Variants in VWC2 observed in about 807,000 individuals in gnomAD.
VWC2 encodes brorin.
A neutral mutation model predicts 29.8 loss-of-function variants in VWC2; 14 were observed. The observed-to-expected ratio is 0.47, with a 90% CI of 0.31 to 0.74. The LOEUF (loss-of-function observed/expected upper bound fraction) is 0.74. VWC2 is among the 30% of genes least tolerant of loss of function. VWC2 has a pLI of 0.05. For missense variants in VWC2, 457 were observed against 459.8 expected (o/e 0.99, Z 0.05); for synonymous variants, 213 against 199.0 (o/e 1.07, Z -0.59).
intron 3 of VWC2, among the ~76,000 whole-genome samples, chr7:49,862,258 T>A (rs947544361): frequency 3.1e-4 from 47 of 152,196 alleles, no homozygotes; most frequent in Admixed American, 9.2e-4. Flanking sequence ...CTCTCTTAAA[T>A]TTCTTTTCAA....
intron 3 of VWC2, among the ~76,000 whole-genome samples, chr7:49,892,245 A>G (rs1792173833): frequency 1.3e-5 from 2 of 151,434 alleles, no homozygotes; most frequent in South Asian, 4.2e-4. Context: ...ACGGGGTTTC[A>G]CCGTGTTAGC....
chr7:49,875,369 C>CAAAAAAAAA (rs71018432), intron 3 of VWC2, among the ~76,000 whole-genome samples: 646 of 19,030 alleles, frequency 0.034, 192 homozygotes, highest in East Asian at 0.14. Context: ...GATTCTGACT[C>CAAAAAAAAA]AAAAAAAAAA....
At chr7:49,911,168 G>T (rs924489571) in intron 3 of VWC2, among the ~76,000 whole-genome samples, 1 of 152,160 alleles carries the variant, frequency 6.6e-6, no homozygotes, top group African/African-American at 2.4e-5. Context: ...GTTAATGAAA[G>T]TCACAGTGTT....
intron 2 of VWC2, among the ~76,000 whole-genome samples, chr7:49,785,925 G>A (rs753091960): frequency 2.6e-5 from 4 of 152,196 alleles, no homozygotes; most frequent in Non-Finnish European, 5.9e-5. Flanking sequence ...ACAGAATCAA[G>A]AAGGAGTGGA....
chr7:49,839,091 T>C (rs940461320), intron 3 of VWC2, among the ~76,000 whole-genome samples: 1 of 152,154 alleles, frequency 6.6e-6, no homozygotes, highest in Non-Finnish European at 1.5e-5. Flanking sequence ...TTTTTTGTGA[T>C]GTGAGGACAC....
At chr7:49,870,931 A>G (rs572247575) in intron 3 of VWC2, among the ~76,000 whole-genome samples, 16 of 152,350 alleles carry the variant, frequency 1.1e-4, no homozygotes, top group African/African-American at 3.4e-4. Flanking sequence ...GAACTGCTCC[A>G]GGAAATATGA....
chr7:49,851,920 G>C (rs1399411032), intron 3 of VWC2, among the ~76,000 whole-genome samples: 1 of 152,028 alleles, frequency 6.6e-6, no homozygotes, highest in East Asian at 1.9e-4. Flanking sequence ...CACAACACTG[G>C]ATCTCTAAAG....
Position 49,838,444 on chromosome 7 carries a change from G to A in VWC2, c.826+35604G>A, listed in dbSNP as rs866482873. 3.9e-5 allele frequency among the ~76,000 whole-genome samples: 6 copies of A among 152,216 alleles called. 1 individual carries two copies. The highest frequency in any genetic ancestry group is 6.8e-3 in the Middle Eastern group (2 of 294). ...ACAGAGTGGGGTCAGGAGACAGTAG[G>A]ATTGAAGCAGACTCCGGTCTTTTGG... On this transcript the variant is annotated intron_variant, in intron 3 of 3. Coordinates refer to ENST00000340652, the MANE Select transcript of VWC2 (RefSeq NM_198570.5).
At chr7:49,834,916 G>A (rs1162335008) in intron 3 of VWC2, among the ~76,000 whole-genome samples, 4 of 152,178 alleles carry the variant, frequency 2.6e-5, no homozygotes, top group Non-Finnish European at 4.4e-5. Context: ...AGGCCAGGAT[G>A]GGGGAGATAT....
intron 2 of VWC2, among the ~76,000 whole-genome samples, chr7:49,794,405 G>A (rs1788536729): frequency 6.6e-6 from 1 of 152,196 alleles, no homozygotes; most frequent in South Asian, 2.1e-4. Flanking sequence ...TTGAGACGTA[G>A]CAATATTAAG....
chr7:49,820,692 G>A (rs924666996), intron 3 of VWC2, among the ~76,000 whole-genome samples: 1 of 152,172 alleles, frequency 6.6e-6, no homozygotes, highest in African/African-American at 2.4e-5. Flanking sequence ...TACCAGGAAT[G>A]CAGAGAGTAA....
chr7:49,804,629 T>A (rs749343534), intron 3 of VWC2, among the ~76,000 whole-genome samples: 2 of 152,156 alleles, frequency 1.3e-5, no homozygotes, highest in Non-Finnish European at 2.9e-5. Flanking sequence ...GAAGACAGGA[T>A]TTCAACCCCT....
intron 3 of VWC2, among the ~76,000 whole-genome samples, chr7:49,850,030 G>A (rs1368125785): frequency 6.6e-6 from 1 of 152,052 alleles, no homozygotes; most frequent in Non-Finnish European, 1.5e-5. Flanking sequence ...CAGGAAGACT[G>A]AGCACAGTAT....
At chr7:49,902,982 T>C (rs1293958091) in intron 3 of VWC2, among the ~76,000 whole-genome samples, 5 of 151,780 alleles carry the variant, frequency 3.3e-5, no homozygotes, top group Admixed American at 3.3e-4. Context: ...CTTTCACAGA[T>C]GAAGATATAA....
intron 3 of VWC2, among the ~76,000 whole-genome samples, chr7:49,869,513 C>T (rs1421162547): frequency 6.6e-6 from 1 of 152,142 alleles, no homozygotes. Context: ...GTTGCTGTAT[C>T]ATGATATTTC....
At chr7:49,891,150 TTGAA>T (rs1303239965) in intron 3 of VWC2, among the ~76,000 whole-genome samples, 9 of 152,284 alleles carry the variant, frequency 5.9e-5, no homozygotes, top group African/African-American at 2.2e-4. Context: ...GGCAAAAATG[TTGAA>T]TGTAAAAAGA....
chr7:49,902,709 T>C (rs1383377373), intron 3 of VWC2, among the ~76,000 whole-genome samples: 1 of 152,046 alleles, frequency 6.6e-6, no homozygotes, highest in African/African-American at 2.4e-5. Flanking sequence ...CTTGATGAGT[T>C]GTTAGGACAT....
intron 3 of VWC2, among the ~76,000 whole-genome samples, chr7:49,828,715 TC>T (rs1325163312): frequency 1.3e-5 from 2 of 152,114 alleles, no homozygotes; most frequent in Admixed American, 1.3e-4. Flanking sequence ...GGACGGCCTC[TC>T]CCACGGTTAA....
At chr7:49,803,042 G>A (rs755593851) in intron 3 of VWC2, among the ~76,000 whole-genome samples, 5 of 152,328 alleles carry the variant, frequency 3.3e-5, no homozygotes, top group Non-Finnish European at 5.9e-5. Flanking sequence ...TCAGCACCAT[G>A]TTTTATGGAT....
Sources: allele counts gnomAD v4.1 joint callset (sites outside exome capture counted in the v4.1 genomes callset), GRCh38; gene constraint gnomAD v4.1.1; transcripts MANE v1.5; gene names NCBI Gene and HGNC (gene_info 2026-07-23, HGNC 2026-07-21).